Variants in TDRP observed in about 807,000 individuals in gnomAD.
TDRP encodes the protein testis development related protein.
TDRP carries 12 observed loss-of-function variants against 10.5 expected under a neutral mutation model. The observed-to-expected ratio is 1.15, with a 90% confidence interval of 0.73 to 1.86. The LOEUF is 1.86. Among genes scored for constraint, TDRP ranks in the 40% most tolerant of loss-of-function variants. TDRP has a pLI of 0.00. For missense variants in TDRP, 353 were observed against 229.2 expected (o/e 1.54, Z -3.49); for synonymous variants, 139 against 95.4 (o/e 1.46, Z -2.67).
chr8:516,222 C>T (rs1284701136), intron 1 of TDRP, among the ~76,000 whole-genome samples: 16 of 152,128 alleles, frequency 1.1e-4, no homozygotes, highest in Non-Finnish European at 2.9e-5. Context: ...TAACCTATTC[C>T]CTTGTCATAA....
chr8:505,510 G>A (rs1440916338), intron 1 of TDRP, among the ~76,000 whole-genome samples: 1 of 152,148 alleles, frequency 6.6e-6, no homozygotes, highest in East Asian at 1.9e-4. Context: ...CAGACTGCAG[G>A]TGCAGGAAGG....
intron 1 of TDRP, among the ~76,000 whole-genome samples, chr8:519,258 T>A (rs181460081): frequency 6.6e-6 from 1 of 152,276 alleles, no homozygotes; most frequent in East Asian, 1.9e-4. Flanking sequence ...GCCCTCCCCA[T>A]GCCTTCCCCT....
At chr8:503,133 C>T (rs1222504828) in intron 1 of TDRP, among the ~76,000 whole-genome samples, 2 of 152,090 alleles carry the variant, frequency 1.3e-5, no homozygotes, top group African/African-American at 4.8e-5. Flanking sequence ...CCCACCTCAG[C>T]ATGTGTCAAC....
chr8:544,771 C>G lies in TDRP; in HGVS notation c.-14G>C, dbSNP rs981957628. 1.6e-6 allele frequency: 2 copies of G among 1,231,918 alleles called. No individual in the cohort carries two copies. The highest frequency in any genetic ancestry group is 3.1e-5 in the African/African-American group (2 of 64,134). The allele number at this position is 1,231,918 out of a possible 1,614,324, so 76.3% of individuals were successfully genotyped here. On this transcript the variant is annotated 5_prime_UTR_variant, in exon 1 of 3. Coordinates refer to ENST00000324079, the MANE Select transcript of TDRP (RefSeq NM_001384899.1). ...CAGCTTCCACATGGTCAGGCGGGCT[C>G]CGGCGTCCCTCCGTCCGTGCGTCGG...
At chr8:502,575 C>T (rs1801334638) in intron 1 of TDRP, among the ~76,000 whole-genome samples, 1 of 152,206 alleles carries the variant, frequency 6.6e-6, no homozygotes, top group Non-Finnish European at 1.5e-5. Context: ...AACCCAGAGC[C>T]ATGCAGTGGG....
At chr8:520,565 G>C (rs183673108) in intron 1 of TDRP, among the ~76,000 whole-genome samples, 1 of 152,322 alleles carries the variant, frequency 6.6e-6, no homozygotes, top group Admixed American at 6.5e-5. Flanking sequence ...ATTGCCAACA[G>C]TGCACAGGTG....
intron 1 of TDRP, among the ~76,000 whole-genome samples, chr8:512,492 A>C (rs1366426665): frequency 1.3e-5 from 2 of 152,182 alleles, no homozygotes; most frequent in Non-Finnish European, 2.9e-5. Flanking sequence ...AGAAAAAAGA[A>C]GACTTAAATT....
At position 491,509 on chromosome 8, in the gene TDRP, C is replaced by T. The variant is rs1800972160; in HGVS notation, c.*890G>A. On this transcript the variant is annotated 3_prime_UTR_variant, in exon 3 of 3. Coordinates refer to ENST00000324079, the MANE Select transcript of TDRP (RefSeq NM_001384899.1). ...ACACAGCTTCTTACAGATCTAACAC[C>T]AATCACAATAGGCATCTCGCTTTGC... 1 of 1,123,776 alleles carries T rather than the reference C, an allele frequency of 8.9e-7. No homozygotes were observed. The highest frequency in any genetic ancestry group is 1.7e-5 in the South Asian group (1 of 58,046). The allele number at this position is 1,123,776 out of a possible 1,614,324, so 69.6% of individuals were successfully genotyped here. A position where few individuals can be genotyped will look rare whatever the true frequency, so the allele number is the denominator to read the frequency against.
intron 1 of TDRP, among the ~76,000 whole-genome samples, chr8:527,330 T>C (rs1360324494): frequency 6.6e-6 from 1 of 152,070 alleles, no homozygotes; most frequent in African/African-American, 2.4e-5. Flanking sequence ...TGTTAAAATA[T>C]CCATATTGCC....
intron 1 of TDRP, among the ~76,000 whole-genome samples, chr8:524,831 G>C (rs758593357): frequency 6.6e-5 from 10 of 152,104 alleles, no homozygotes; most frequent in Non-Finnish European, 1.2e-4. Context: ...GCCTCAAAAA[G>C]GCAAAGCTAG....
At chr8:529,232 G>T (rs1802118196) in intron 1 of TDRP, among the ~76,000 whole-genome samples, 1 of 152,056 alleles carries the variant, frequency 6.6e-6, no homozygotes, top group Admixed American at 6.5e-5. Context: ...ATCCAATCAA[G>T]TTGACACTCA....
chr8:504,262 A>G (rs1801391027), intron 1 of TDRP, among the ~76,000 whole-genome samples: 2 of 152,186 alleles, frequency 1.3e-5, no homozygotes, highest in South Asian at 4.2e-4. Context: ...CAAACGGAGG[A>G]CTGGCCTCAA....
At chr8:493,384 G>T (rs938398170) in intron 2 of TDRP, among the ~76,000 whole-genome samples, 6 of 152,190 alleles carry the variant, frequency 3.9e-5, no homozygotes, top group African/African-American at 1.4e-4. Context: ...GACAACCAGG[G>T]AACCGGTTTA....
chr8:511,684 T>C (rs756816152), intron 1 of TDRP, among the ~76,000 whole-genome samples: 1 of 152,238 alleles, frequency 6.6e-6, no homozygotes, highest in Non-Finnish European at 1.5e-5. Context: ...GGACAGATCA[T>C]ATGCTAGGTG....
At chr8:514,203 C>T (rs1372746862) in intron 1 of TDRP, among the ~76,000 whole-genome samples, 2 of 152,116 alleles carry the variant, frequency 1.3e-5, no homozygotes, top group Non-Finnish European at 2.9e-5. Context: ...CACAAAGCAA[C>T]AGTAATAAAA....
intron 1 of TDRP, among the ~76,000 whole-genome samples, chr8:532,454 A>G (rs1207336267): frequency 6.6e-6 from 1 of 152,216 alleles, no homozygotes; most frequent in African/African-American, 2.4e-5. Flanking sequence ...TCTAGCTTCT[A>G]TACTCTGCTA....
At position 492,665 on chromosome 8, in the gene TDRP, T is replaced by A. The variant is rs763605817; in HGVS notation, c.292A>T (p.Ile98Leu). The change falls in exon 3 of 3, where the codon ATA (isoleucine) becomes TTA (leucine). Residue 98 changes from isoleucine (I) to leucine (L), a missense_variant. Transcript: ENST00000324079. ...ATTTCATCTGGTTTTTTAGACTGTATATTCTGTTTTAAAACCAAATTGTCC... is the reference window on the plus strand; with the variant it reads ...ATTTCATCTGGTTTTTTAGACTGTAAATTCTGTTTTAAAACCAAATTGTCC... The part of the protein sequence containing the change: ...FWDNLVLKQN[I>L]QSKKPDEIEG... The A allele has an allele frequency of 3.7e-6, 6 of 1,614,048 alleles. No individual in the cohort carries two copies. The South Asian group carries it at 6.6e-5, about 18-fold the overall frequency.
Position 491,621 on chromosome 8 carries a change from T to C in TDRP, c.*778A>G, listed in dbSNP as rs775651308. The C allele has an allele frequency of 2.6e-6, 4 of 1,531,234 alleles. No homozygotes were observed. The highest frequency in any genetic ancestry group is 2.7e-5 in the African/African-American group (2 of 72,876). The allele number at this position is 1,531,234 out of a possible 1,614,324, so 94.9% of individuals were successfully genotyped here. A position where few individuals can be genotyped will look rare whatever the true frequency, so the allele number is the denominator to read the frequency against. On this transcript the variant is annotated 3_prime_UTR_variant, in exon 3 of 3. Transcript: ENST00000324079. ...CTCTCTATAATGAGCAAGACAATGT[T>C]TCCTAAATGAAATTATCAACTGACT...
chr8:518,834 T>A (rs1393228689), intron 1 of TDRP, among the ~76,000 whole-genome samples: 1 of 152,214 alleles, frequency 6.6e-6, no homozygotes, highest in African/African-American at 2.4e-5. Flanking sequence ...CATACAAATT[T>A]ATTAACAAAT....
Sources: gnomAD v4.1 joint callset for allele counts (sites outside exome capture counted in the v4.1 genomes callset) on GRCh38, gnomAD v4.1.1 for gene constraint, MANE v1.5 for transcripts, NCBI Gene and HGNC (gene_info 2026-07-23, HGNC 2026-07-21) for gene names.